ERCC6L2: variants seen among roughly 807,000 people sequenced by gnomAD.
ERCC6L2 encodes DNA excision repair protein ERCC-6-like 2.
Under a neutral mutation model 132.0 loss-of-function variants are expected in ERCC6L2, and 77 were observed. The observed-to-expected ratio is 0.58, with a 90% confidence interval of 0.49 to 0.71. The LOEUF is 0.71. Among genes scored for constraint, ERCC6L2 ranks in the 30% least tolerant of loss-of-function variants. ERCC6L2 has a pLI of 0.00. For synonymous variants in ERCC6L2, 583 were observed against 632.4 expected (o/e 0.92, Z 1.17); for missense variants, 1,542 against 1,837.6 (o/e 0.84, Z 2.94).
At chr9:95,925,468 T>C (rs1165882206) in intron 9 of ERCC6L2, among the ~76,000 whole-genome samples, 1 of 152,166 alleles carries the variant, frequency 6.6e-6, no homozygotes, top group African/African-American at 2.4e-5. Flanking sequence ...ATACGATTCC[T>C]TTATAGGTGG....
At chr9:95,957,139 C>T (rs543615964) in intron 13 of ERCC6L2, among the ~76,000 whole-genome samples, 1 of 151,992 alleles carries the variant, frequency 6.6e-6, no homozygotes, top group Non-Finnish European at 1.5e-5. Context: ...ATTTATGCCT[C>T]TAAACAAACA....
At chr9:95,914,919 GT>G (rs1244203355) in intron 4 of ERCC6L2, among the ~76,000 whole-genome samples, 1 of 151,968 alleles carries the variant, frequency 6.6e-6, no homozygotes, top group Non-Finnish European at 1.5e-5. Context: ...TCTGTGATCT[GT>G]TTTTAGTTAA....
At position 95,881,038 on chromosome 9, in the gene ERCC6L2, G is replaced by A; in HGVS notation, c.216G>A (p.Val72=). ...RKIPLKQLQE[V]KFVKDCPRNL... ...TACCTCTTAAACAGCTTCAAGAAGT[G>A]AAATTTGTTAAAGATTGCCCTAGGA... is the stretch of plus-strand genomic sequence containing the variant. Residue 72 remains valine (V), a synonymous_variant, in exon 2 of 19, where the codon GTG becomes GTA. Transcript: ENST00000653738. 1 of 1,613,964 alleles carries A rather than the reference G, an allele frequency of 6.2e-7. No homozygotes were observed. The highest frequency in any genetic ancestry group is 8.5e-7 in the Non-Finnish European group (1 of 1,179,898).
intron 18 of ERCC6L2, 133 bp downstream of exon 18, chr9:96,004,834 A>G (rs1833812468): frequency 3.8e-6 from 2 of 529,960 alleles, no homozygotes; most frequent in Non-Finnish European, 6.0e-6. Context: ...CTGAATTTCA[A>G]AAATAAACTG....
chr9:95,984,236 GTT>G (rs1010662533), intron 17 of ERCC6L2, among the ~76,000 whole-genome samples: 3 of 148,302 alleles, frequency 2.0e-5, no homozygotes, highest in African/African-American at 7.4e-5. Context: ...TATTATATAT[GTT>G]ATATATGTTA....
chr9:95,882,229 A>G (rs1047198912), intron 2 of ERCC6L2, among the ~76,000 whole-genome samples: 64 of 152,224 alleles, frequency 4.2e-4, no homozygotes, highest in African/African-American at 1.5e-3. Context: ...GTGATGTAAT[A>G]ACACAAGAGA....
chr9:95,951,553 C>G (rs541227862), intron 12 of ERCC6L2, among the ~76,000 whole-genome samples: 18 of 152,174 alleles, frequency 1.2e-4, no homozygotes, highest in African/African-American at 3.9e-4. Context: ...GTGGATAAAT[C>G]TTTAGCTAGA....
At chr9:95,899,653 G>A (rs1412709362) in intron 3 of ERCC6L2, among the ~76,000 whole-genome samples, 19 of 145,038 alleles carry the variant, frequency 1.3e-4, no homozygotes, top group Admixed American at 9.7e-4. Flanking sequence ...CATATGCGAT[G>A]TATCATATCA....
At position 96,015,332 on chromosome 9, in the gene ERCC6L2, C is replaced by T. The variant is rs570532151; in HGVS notation, c.*2129C>T. Among the ~76,000 whole-genome samples the T allele has an allele frequency of 2.6e-5, 4 of 151,490 alleles. No homozygotes were observed. The highest frequency in any genetic ancestry group is 4.2e-4 in the South Asian group (2 of 4,774). ...TCCCGAGTAGCTGGGACTACAGGTG[C>T]GTGCCACCACGCCCAGCTAATTTTT... On this transcript the variant is annotated 3_prime_UTR_variant, in exon 19 of 19. Transcript: ENST00000653738.
chr9:95,923,258 A>G lies in ERCC6L2; in HGVS notation c.1414-2A>G. On this transcript the variant is annotated splice_acceptor_variant, in intron 8 of 18. Transcript: ENST00000653738. LOFTEE classifies it high-confidence loss of function. ...TCTTTTCTTCTGCCTTTTCCCTTCAAGGAAACACTTATCAAAAGGATATGT... is the reference window on the plus strand; with the variant it reads ...TCTTTTCTTCTGCCTTTTCCCTTCAGGGAAACACTTATCAAAAGGATATGT... The G allele has an allele frequency of 1.2e-6, 2 of 1,612,916 alleles. No homozygotes were observed. The highest frequency in any genetic ancestry group is 1.7e-6 in the Non-Finnish European group (2 of 1,179,348).
intron 2 of ERCC6L2, among the ~76,000 whole-genome samples, chr9:95,896,906 T>A (rs1828494885): frequency 6.6e-6 from 1 of 152,224 alleles, no homozygotes; most frequent in African/African-American, 2.4e-5. Flanking sequence ...TAAAATCAGT[T>A]AAGTTTTCAG....
chr9:96,003,601 C>G (rs1215868003), intron 17 of ERCC6L2, among the ~76,000 whole-genome samples: 1 of 152,148 alleles, frequency 6.6e-6, no homozygotes, highest in African/African-American at 2.4e-5. Flanking sequence ...CCATTTCCAT[C>G]TCCCATTTCC....
intron 19 of ERCC6L2, among the ~76,000 whole-genome samples, chr9:96,024,599 T>C (rs1209205670): frequency 6.6e-6 from 1 of 152,120 alleles, no homozygotes; most frequent in Non-Finnish European, 1.5e-5. Context: ...ATCCCCAATC[T>C]AGGGTTAGTC....
rs772048958 is a variant in ERCC6L2, at chr9:96,004,650, A to G, written c.3623A>G (p.His1208Arg). The G allele has an allele frequency of 2.2e-6, 3 of 1,339,116 alleles. No individual in the cohort carries two copies. The highest frequency in any genetic ancestry group is 2.0e-6 in the Non-Finnish European group (2 of 1,006,560). The allele number at this position is 1,339,116 out of a possible 1,614,324, so 83.0% of individuals were successfully genotyped here. ...AACCAGAAGAAGAAAAAAGTCTACCATACAAACCAGACCACCTTCATAATT... is the reference window on the plus strand; with the variant it reads ...AACCAGAAGAAGAAAAAAGTCTACCGTACAAACCAGACCACCTTCATAATT... ...PVNQKKKKVY[H>R]TNQTTFIIGE... is the part of the protein sequence containing the mutation. Residue 1208 changes from histidine to arginine, a missense_variant, in exon 18 of 19, where the codon CAT becomes CGT. By Grantham distance (29) the His-to-Arg change is conservative. This residue lies in a region of ERCC6L2 where 442 missense variants were observed against 583.4 expected (regional missense o/e 0.76). Coordinates refer to ENST00000653738, the MANE Select transcript of ERCC6L2 (RefSeq NM_020207.7).
intron 9 of ERCC6L2, among the ~76,000 whole-genome samples, chr9:95,924,159 A>T (rs1395353960): frequency 6.6e-6 from 1 of 152,140 alleles, no homozygotes; most frequent in African/African-American, 2.4e-5. Context: ...GTTCTTTTTG[A>T]CATAAAAAGA....
chr9:96,031,765 G>C (rs1834463285), intron 19 of ERCC6L2, among the ~76,000 whole-genome samples: 1 of 152,122 alleles, frequency 6.6e-6, no homozygotes. Flanking sequence ...CCACTGCCTA[G>C]TTCAGCTTCC....
At chr9:96,039,926 G>T (rs1402538365) in intron 20 of ERCC6L2, among the ~76,000 whole-genome samples, 1 of 152,040 alleles carries the variant, frequency 6.6e-6, no homozygotes, top group Non-Finnish European at 1.5e-5. Context: ...ACCAGATAAA[G>T]ATGTGGTCCA....
intron 13 of ERCC6L2, among the ~76,000 whole-genome samples, chr9:95,963,532 C>G (rs11790491): frequency 0.15 from 22,895 of 151,942 alleles, 1,853 homozygotes; most frequent in South Asian, 0.24. Flanking sequence ...CCCCACCCTC[C>G]ACACTCCTCT....
intron 2 of ERCC6L2, among the ~76,000 whole-genome samples, chr9:95,896,534 A>C (rs1828476997): frequency 6.6e-6 from 1 of 151,114 alleles, no homozygotes; most frequent in South Asian, 2.1e-4. Flanking sequence ...CAGTCCTCCT[A>C]CTTCAGCTTT....
Sources: allele counts gnomAD v4.1 joint callset (sites outside exome capture counted in the v4.1 genomes callset), GRCh38; gene constraint gnomAD v4.1.1; regional missense constraint gnomAD v4.1.1; transcripts MANE v1.5; gene names NCBI Gene and HGNC (gene_info 2026-07-23, HGNC 2026-07-21).